The following SYTL3 variants were observed in gnomAD, a reference collection of about 807,000 sequenced individuals.
The protein encoded by SYTL3 is synaptotagmin-like protein 3.
Under a neutral mutation model 82.1 loss-of-function variants are expected in SYTL3, and 88 were observed. That is an observed-to-expected ratio of 1.07 (90% CI 0.90 to 1.28). The LOEUF is 1.28. SYTL3 is among the 50% of genes most tolerant of loss of function. The pLI, the probability that SYTL3 is intolerant of heterozygous loss-of-function variation, is 0.00. For missense variants in SYTL3, 831 were observed against 757.6 expected, an observed-to-expected ratio of 1.10 and a Z score of -1.14; for synonymous variants, 311 against 289.4, an observed-to-expected ratio of 1.07 and a Z score of -0.76.
chr6:158,655,959 G>A (rs542770209), intron 2 of SYTL3, among the ~76,000 whole-genome samples: 1 of 152,324 alleles, frequency 6.6e-6, no homozygotes, highest in African/African-American at 2.4e-5. Context: ...AGCGCATGTG[G>A]TCAGGGAATG....
intron 2 of SYTL3, among the ~76,000 whole-genome samples, chr6:158,659,411 G>A (rs182180491): frequency 7.9e-5 from 12 of 152,160 alleles, no homozygotes; most frequent in African/African-American, 2.7e-4. Flanking sequence ...GCTGGAGTGC[G>A]ATGGTGCGAT....
At chr6:158,753,650 AACCCG>A (rs1236268536) in intron 13 of SYTL3, among the ~76,000 whole-genome samples, 3 of 151,310 alleles carry the variant, frequency 2.0e-5, no homozygotes, top group Non-Finnish European at 4.4e-5. Flanking sequence ...GAATGGCGTG[AACCCG>A]GGAGGCAGAG....
At chr6:158,712,079 A>G (rs1296618726) in intron 8 of SYTL3, among the ~76,000 whole-genome samples, 3 of 152,144 alleles carry the variant, frequency 2.0e-5, no homozygotes, top group Non-Finnish European at 2.9e-5. Flanking sequence ...ACCTCTGACA[A>G]TGTAACTCTC....
rs1163342315 is a variant in SYTL3 at position 158,751,923 on chromosome 6, C to T, written c.1035-5C>T. Reference sequence around the variant, plus strand: ...CACTCTGTCCCCGCTGTGTTTGGCCCCTAGGTATGTGAAGACCTACCTGTT... The same window carrying T: ...CACTCTGTCCCCGCTGTGTTTGGCCTCTAGGTATGTGAAGACCTACCTGTT... On this transcript the variant is annotated splice_region_variant and splice_polypyrimidine_tract_variant and intron_variant, in intron 12 of 17. Coordinates refer to ENST00000611299, the MANE Select transcript of SYTL3 (RefSeq NM_001242394.2). The T allele has an allele frequency of 2.5e-6, 4 of 1,595,016 alleles. No individual in the cohort carries two copies. The highest frequency in any genetic ancestry group is 3.4e-6 in the Non-Finnish European group (4 of 1,171,012).
intron 5 of SYTL3, 130 bp from the exon 6 acceptor site, chr6:158,682,795 C>A: frequency 1.5e-6 from 1 of 656,842 alleles, no homozygotes; most frequent in South Asian, 1.9e-5. Flanking sequence ...AGTGTTTAAG[C>A]CAGGAAATTG....
rs201011324 is a variant in SYTL3 at position 158,717,448 on chromosome 6, G to GA, written c.596-635dup. 9.9e-3 allele frequency among the ~76,000 whole-genome samples: 1,511 copies of GA among 152,156 alleles called. 14 individuals carry two copies. Among genetic ancestry groups the GA allele is most frequent in the Non-Finnish European group, 0.016 (1,110 of 68,008 alleles). ...GTTTGGAGGAGTGGGGTTCTCAAGG[G>GA]AAAATGAAACCATCTTCAGAGGATG... On this transcript the variant is annotated intron_variant, in intron 9 of 17. Transcript: ENST00000611299.
At chr6:158,725,700 T>C in intron 11 of SYTL3, 63 bp downstream of exon 11, 5 of 1,574,538 alleles carry the variant, frequency 3.2e-6, no homozygotes, top group Non-Finnish European at 4.3e-6. Context: ...GAAAGCATAA[T>C]GTACAAGTCC....
chr6:158,750,947 C>T (rs1164591473), intron 12 of SYTL3, among the ~76,000 whole-genome samples: 1 of 152,142 alleles, frequency 6.6e-6, no homozygotes, highest in Non-Finnish European at 1.5e-5. Context: ...AGGTACATGC[C>T]ATCATGCCTG....
chr6:158,665,222 C>T (rs902097566), intron 4 of SYTL3, among the ~76,000 whole-genome samples, 173 bp from the exon 5 acceptor site: 15 of 152,156 alleles, frequency 9.9e-5, no homozygotes, highest in East Asian at 1.9e-4. Flanking sequence ...CCTTGAGACT[C>T]GACTCTGAGA....
chr6:158,727,689 C>CTTTTTTTTTTTTTTTTTTTTTTTTTTT (rs55657606), intron 11 of SYTL3, among the ~76,000 whole-genome samples: 1 of 106,728 alleles, frequency 9.4e-6, no homozygotes, highest in African/African-American at 4.3e-5. Flanking sequence ...TCCAAGTACT[C>CTTTTTTTTTTTTTTTTTTTTTTTTTTT]TTTTTTTTTT....
intron 5 of SYTL3, among the ~76,000 whole-genome samples, chr6:158,666,366 G>A (rs1462718053): frequency 1.3e-5 from 2 of 152,154 alleles, no homozygotes; most frequent in African/African-American, 4.8e-5. Context: ...ATCAATTGGT[G>A]TTTAGGGGGT....
chr6:158,715,599 T>TCACACACACACACACACACACACACACA (rs72372107), intron 9 of SYTL3, among the ~76,000 whole-genome samples: 16,239 of 115,952 alleles, frequency 0.14, 1,770 homozygotes, highest in Non-Finnish European at 0.19. Context: ...TGAAACCGCA[T>TCACACACACACACACACACACACACACA]CACACACACA....
chr6:158,683,895 G>C (rs1295209798), intron 6 of SYTL3, among the ~76,000 whole-genome samples: 1 of 152,178 alleles, frequency 6.6e-6, no homozygotes, highest in African/African-American at 2.4e-5. Flanking sequence ...CGTATACTGT[G>C]AATGTCTTAT....
intron 6 of SYTL3, among the ~76,000 whole-genome samples, chr6:158,684,515 G>A (rs1779083856): frequency 6.6e-6 from 1 of 152,170 alleles, no homozygotes; most frequent in South Asian, 2.1e-4. Flanking sequence ...GCAGGCAGGT[G>A]CTGTGGGAAC....
At chr6:158,762,365 G>A (rs1220381633) in intron 16 of SYTL3, among the ~76,000 whole-genome samples, 187 bp downstream of exon 16, 1 of 152,012 alleles carries the variant, frequency 6.6e-6, no homozygotes, top group Non-Finnish European at 1.5e-5. Context: ...TGTACATGCT[G>A]GAGTACTCGA....
intron 5 of SYTL3, among the ~76,000 whole-genome samples, chr6:158,669,234 G>A (rs890194885): frequency 6.6e-6 from 1 of 152,098 alleles, no homozygotes; most frequent in Non-Finnish European, 1.5e-5. Flanking sequence ...CTATTAAAAC[G>A]AATATACTGT....
chr6:158,742,619 A>G lies in SYTL3; in HGVS notation c.856-2861A>G, dbSNP rs150925804. On this transcript the variant is annotated intron_variant, in intron 11 of 17. Transcript: ENST00000611299. ...GAGATGGAGTCTCGCTCTGTCACTC[A>G]AGCTGGAGTGCAGTGGTGTGATCTT... Among the ~76,000 whole-genome samples, 257 of 149,956 alleles carry G rather than the reference A, an allele frequency of 1.7e-3. 1 individual carries two copies. Among genetic ancestry groups the G allele is most frequent in the African/African-American group, 5.6e-3 (226 of 40,652 alleles).
At position 158,764,293 on chromosome 6, in the gene SYTL3, A is replaced by G. The variant is rs576765887; in HGVS notation, c.1724-202A>G. ...CCAGGCTGTTAGAGCCTCGCAGAGC[A>G]GAGGATGCCTGCGTGAATCCCAGTC... is the stretch of plus-strand genomic sequence containing the variant. On this transcript the variant is annotated intron_variant, in intron 17 of 17. Transcript: ENST00000611299. Among the ~76,000 whole-genome samples the G allele has an allele frequency of 3.3e-5, 5 of 152,282 alleles. No homozygotes were observed. In the South Asian group the frequency reaches 1.0e-3, roughly 32 times the overall value.
chr6:158,764,333 G>C lies in SYTL3; in HGVS notation c.1724-162G>C, dbSNP rs150028347. Among the ~76,000 whole-genome samples the C allele has an allele frequency of 7.7e-4, 118 of 152,330 alleles. 2 individuals carry two copies. In the East Asian group the frequency reaches 0.013, roughly 17 times the overall value. The stretch of plus-strand genomic sequence containing the variant: ...GAATCCCAGTCTCAACACCAGCTTT[G>C]TTGGGGTGGGAGTGGTGGTGGCGGC... On this transcript the variant is annotated intron_variant, in intron 17 of 17. Coordinates refer to ENST00000611299, the MANE Select transcript of SYTL3 (RefSeq NM_001242394.2).
Sources: allele counts gnomAD v4.1 joint callset (sites outside exome capture counted in the v4.1 genomes callset), GRCh38; gene constraint gnomAD v4.1.1; transcripts MANE v1.5; gene names NCBI Gene and HGNC (gene_info 2026-07-23, HGNC 2026-07-21).